The following FRMD5 variants were observed in gnomAD, a reference collection of about 807,000 sequenced individuals.
FRMD5 encodes FERM domain containing 5.
Under a neutral mutation model 69.0 loss-of-function variants are expected in FRMD5, and 20 were observed. The ratio of observed to expected loss-of-function variants is 0.29; its 90% confidence interval spans 0.20 to 0.42. The LOEUF is 0.42. FRMD5 is among the 10% of genes least tolerant of loss of function. FRMD5 has a pLI of 1.00. For synonymous variants in FRMD5, 271 were observed against 260.1 expected (o/e 1.04, Z -0.40); for missense variants, 595 against 708.6 (o/e 0.84, Z 1.82).
At chr15:43,898,147 T>C (rs1426573515) in intron 7 of FRMD5, among the ~76,000 whole-genome samples, 2 of 152,214 alleles carry the variant, frequency 1.3e-5, no homozygotes, top group African/African-American at 4.8e-5. Context: ...GAATTGGCAA[T>C]GAGTTGTGCT....
intron 1 of FRMD5, chr15:44,063,594 G>T: frequency 1.9e-6 from 1 of 524,634 alleles, no homozygotes; most frequent in South Asian, 1.4e-5. Flanking sequence ...CTGGCAAAGT[G>T]GATATTGTTG....
chr15:43,874,101 T>C lies in FRMD5; in HGVS notation c.1497A>G (p.Leu499=), dbSNP rs776629677. 1 of 1,614,176 alleles carries C rather than the reference T, an allele frequency of 6.2e-7. No individual in the cohort carries two copies. Among genetic ancestry groups the C allele is most frequent in the African/African-American group, 1.3e-5 (1 of 75,044 alleles). ...PEEEQVNKFV[L]SVLRLLLVTM... ...TCACAAGGAGCAAACGGAGGACACT[T>C]AGAACAAACTTATTCACCTGTTCCT... The change falls in exon 14 of 14, where the codon CTA becomes CTG. Residue 499 remains leucine, a synonymous_variant. Transcript: ENST00000417257.
intron 1 of FRMD5, among the ~76,000 whole-genome samples, chr15:43,956,379 G>A (rs1309468973): frequency 1.3e-5 from 2 of 152,062 alleles, no homozygotes; most frequent in Non-Finnish European, 2.9e-5. Context: ...CTTCAGAAGG[G>A]AAATAATTGG....
At chr15:44,053,822 T>C (rs1043602665) in intron 1 of FRMD5, among the ~76,000 whole-genome samples, 1 of 152,244 alleles carries the variant, frequency 6.6e-6, no homozygotes, top group African/African-American at 2.4e-5. Flanking sequence ...AAATTTGATA[T>C]AGTTACTAAT....
intron 5 of FRMD5, among the ~76,000 whole-genome samples, chr15:43,909,153 G>A (rs974532378): frequency 2.0e-5 from 3 of 151,970 alleles, no homozygotes; most frequent in Non-Finnish European, 4.4e-5. Context: ...CCAGCACTTC[G>A]GGAGGCTGAG....
chr15:44,081,176 C>T (rs1245163939), intron 1 of FRMD5, among the ~76,000 whole-genome samples: 4 of 152,076 alleles, frequency 2.6e-5, no homozygotes, highest in Non-Finnish European at 4.4e-5. Context: ...AGTTTGGCTG[C>T]TTTGCCTCAT....
chr15:43,963,352 A>G (rs956442438), intron 1 of FRMD5, among the ~76,000 whole-genome samples: 2 of 152,232 alleles, frequency 1.3e-5, no homozygotes, highest in African/African-American at 4.8e-5. Context: ...CAAAACCACA[A>G]TGAGATACCA....
At chr15:44,139,896 T>TGG (rs1336359438) in intron 1 of FRMD5, among the ~76,000 whole-genome samples, 1 of 152,136 alleles carries the variant, frequency 6.6e-6, no homozygotes, top group Non-Finnish European at 1.5e-5. Flanking sequence ...CTAGTCATGA[T>TGG]GGGAGACTTT....
At chr15:44,014,419 T>C (rs1202269091) in intron 1 of FRMD5, among the ~76,000 whole-genome samples, 4 of 152,158 alleles carry the variant, frequency 2.6e-5, no homozygotes, top group African/African-American at 9.7e-5. Flanking sequence ...CCTCTCTATA[T>C]CCCATTAAAA....
intron 1 of FRMD5, among the ~76,000 whole-genome samples, chr15:44,138,899 A>C (rs1482726697): frequency 6.6e-6 from 1 of 152,196 alleles, no homozygotes; most frequent in Middle Eastern, 3.2e-3. Context: ...AGACAAATCT[A>C]AAGAGACAGA....
At chr15:44,066,528 T>C (rs893890323) in intron 1 of FRMD5, among the ~76,000 whole-genome samples, 1 of 152,184 alleles carries the variant, frequency 6.6e-6, no homozygotes, top group African/African-American at 2.4e-5. Flanking sequence ...GAAAAGGCAT[T>C]ACGCAGGAAA....
intron 1 of FRMD5, among the ~76,000 whole-genome samples, chr15:44,044,768 TG>T (rs1892358840): frequency 7.4e-6 from 1 of 136,020 alleles, no homozygotes; most frequent in African/African-American, 2.8e-5. Flanking sequence ...TGTCAGGGGG[TG>T]GGGGGCTAGG....
intron 1 of FRMD5, among the ~76,000 whole-genome samples, chr15:44,160,127 G>A (rs2077591297): frequency 6.6e-6 from 1 of 152,248 alleles, no homozygotes; most frequent in Non-Finnish European, 1.5e-5. Flanking sequence ...GCTGAGGTGG[G>A]CAGATCACTT....
At chr15:44,193,923 C>T (rs1481823660) in intron 1 of FRMD5, among the ~76,000 whole-genome samples, 1 of 152,248 alleles carries the variant, frequency 6.6e-6, no homozygotes, top group Non-Finnish European at 1.5e-5. Flanking sequence ...CTCCTGTTTT[C>T]CTGCTGCAAA....
intron 1 of FRMD5, among the ~76,000 whole-genome samples, chr15:44,027,084 G>A (rs1395969846): frequency 6.6e-6 from 1 of 152,170 alleles, no homozygotes; most frequent in Non-Finnish European, 1.5e-5. Flanking sequence ...AGGATCCCAT[G>A]GTTGTTCACA....
chr15:44,067,761 G>C (rs1041923458), intron 1 of FRMD5, among the ~76,000 whole-genome samples: 1 of 152,064 alleles, frequency 6.6e-6, no homozygotes, highest in African/African-American at 2.4e-5. Context: ...TCAACATTCA[G>C]ACCATAGCAG....
In FRMD5 at chr15:44,017,375, G is replaced by A. The variant is rs201840336; in HGVS notation, c.103-93066C>T. Among the ~76,000 whole-genome samples, 15 of 151,528 alleles carry A rather than the reference G, an allele frequency of 9.9e-5. No homozygotes were observed. The East Asian group carries it at 2.3e-3, about 24-fold the overall frequency. The stretch of plus-strand genomic sequence containing the variant: ...ACAAAAACCATGTACCATGGCACCC[G>A]ACCTCTGATAGAATTTTTGAGATCA... On this transcript the variant is annotated intron_variant, in intron 1 of 13. Coordinates refer to ENST00000417257, the MANE Select transcript of FRMD5 (RefSeq NM_032892.5).
chr15:44,148,193 A>G (rs2077385057), intron 1 of FRMD5, among the ~76,000 whole-genome samples: 1 of 152,196 alleles, frequency 6.6e-6, no homozygotes, highest in African/African-American at 2.4e-5. Flanking sequence ...TCAAAAGTAA[A>G]AATAATAAAA....
intron 1 of FRMD5, among the ~76,000 whole-genome samples, chr15:44,151,771 T>C (rs1451644124): frequency 6.6e-6 from 1 of 152,130 alleles, no homozygotes; most frequent in Admixed American, 6.5e-5. Context: ...ATTATAAAAA[T>C]TTTGTGCATC....
Sources: gnomAD v4.1 joint callset for allele counts (sites outside exome capture counted in the v4.1 genomes callset) on GRCh38, gnomAD v4.1.1 for gene constraint, MANE v1.5 for transcripts, NCBI Gene and HGNC (gene_info 2026-07-23, HGNC 2026-07-21) for gene names.